RIN2: variants seen among roughly 807,000 people sequenced by gnomAD.
The protein encoded by RIN2 is RAB5 interacting protein 2.
A neutral mutation model predicts 78.0 loss-of-function variants in RIN2; 36 were observed. The ratio of observed to expected loss-of-function variants is 0.46; its 90% confidence interval spans 0.35 to 0.61. The LOEUF is 0.61. RIN2 is among the 20% of genes least tolerant of loss of function. RIN2 has a pLI of 0.00. For synonymous variants in RIN2, 466 were observed against 466.8 expected, an observed-to-expected ratio of 1.00 and a Z score of 0.02; for missense variants, 1,087 against 1,159.7, an observed-to-expected ratio of 0.94 and a Z score of 0.91.
chr20:19,935,042 G>A, intron 3 of RIN2, 57 bp from the exon 4 acceptor site: 1 of 1,320,526 alleles, frequency 7.6e-7, no homozygotes, highest in South Asian at 1.3e-5. Context: ...CCCGGGCGCT[G>A]TGGGCATGCC....
At chr20:19,772,158 G>A (rs1177239808) in intron 1 of RIN2, among the ~76,000 whole-genome samples, 1 of 152,110 alleles carries the variant, frequency 6.6e-6, no homozygotes, top group Non-Finnish European at 1.5e-5. Context: ...CTGTTTCCTG[G>A]GTCATTTCCA....
chr20:19,765,094 C>T (rs1759070621), intron 1 of RIN2, among the ~76,000 whole-genome samples: 1 of 151,878 alleles, frequency 6.6e-6, no homozygotes. Flanking sequence ...AAGTGATCCA[C>T]CTGCCTCAGC....
At chr20:19,947,494 C>G (rs2041143151) in intron 4 of RIN2, among the ~76,000 whole-genome samples, 1 of 152,126 alleles carries the variant, frequency 6.6e-6, no homozygotes, top group South Asian at 2.1e-4. Flanking sequence ...GAATCTTAAA[C>G]CATAATTTAG....
rs1009535921 is a variant in RIN2 at position 19,908,486 on chromosome 20, G to A, written c.57+18828G>A. 3.4e-4 allele frequency among the ~76,000 whole-genome samples: 45 copies of A among 131,198 alleles called. No homozygotes were observed. In the South Asian group the frequency reaches 5.2e-3, roughly 15 times the overall value. The allele number at this position is 131,198 out of a possible 152,430, so 86.1% of individuals were successfully genotyped here. A position where few individuals can be genotyped will look rare whatever the true frequency, so the allele number is the denominator to read the frequency against. ...GGCCTGGGCCACAGAGCGAGACTCC[G>A]TCTCAAAAAAAAAAAAAAAGAAAGA... On this transcript the variant is annotated intron_variant, in intron 3 of 12. Coordinates refer to ENST00000255006, the MANE Select transcript of RIN2 (RefSeq NM_018993.4).
chr20:19,990,141 A>G lies in RIN2; in HGVS notation c.1898A>G (p.Gln633Arg), dbSNP rs2042747606. 1 of 1,602,964 alleles carries G rather than the reference A, an allele frequency of 6.2e-7. No individual in the cohort carries two copies. The highest frequency in any genetic ancestry group is 1.3e-5 in the African/African-American group (1 of 74,906). The change falls in exon 10 of 13, where the codon CAG (glutamine) becomes CGG (arginine). Residue 633 changes from glutamine to arginine, a missense_variant. Coordinates refer to ENST00000255006, the MANE Select transcript of RIN2 (RefSeq NM_018993.4). ...AAGGAGAACCTGCAGCTTGTGCGGC[A>G]GAGGAATCCGCAGGAGCTGGGGGTC... is the stretch of plus-strand genomic sequence containing the variant. ...QLKENLQLVR[Q>R]RNPQELGVFA...
intron 1 of RIN2, among the ~76,000 whole-genome samples, chr20:19,789,797 C>A (rs1033949401): frequency 6.6e-6 from 1 of 152,150 alleles, no homozygotes; most frequent in Non-Finnish European, 1.5e-5. Context: ...GAGAAAATCA[C>A]CCAGTCCCAA....
intron 9 of RIN2, among the ~76,000 whole-genome samples, chr20:19,986,723 G>A (rs914712856): frequency 2.0e-5 from 3 of 152,230 alleles, no homozygotes; most frequent in African/African-American, 7.2e-5. Flanking sequence ...GGCTCACTCT[G>A]ATGATAACAG....
At position 19,974,684 on chromosome 20, in the gene RIN2, C is replaced by T. The variant is rs769083036; in HGVS notation, c.659C>T (p.Pro220Leu). 5.0e-6 allele frequency: 8 copies of T among 1,613,644 alleles called. No homozygotes were observed. The East Asian group carries it at 1.8e-4, about 36-fold the overall frequency. ...TGGAGCTCCCCAGCTGACAGCAAAC[C>T]CCCGAACCTTCCACCTCCCCATAGG... ...NFWSSPADSK[P>L]PNLPPPHRPL... Residue 220 changes from proline (P) to leucine (L), a missense_variant, in exon 9 of 13, where the codon CCC (proline) becomes CTC (leucine). By Grantham distance (98) the Pro-to-Leu change is moderately conservative. Transcript: ENST00000255006.
intron 3 of RIN2, among the ~76,000 whole-genome samples, chr20:19,898,702 G>A (rs1186877896): frequency 6.6e-6 from 1 of 152,170 alleles, no homozygotes; most frequent in Non-Finnish European, 1.5e-5. Context: ...CACTGTGTCT[G>A]ATCTCTTCAT....
chr20:19,944,331 C>T (rs977502856), intron 4 of RIN2, among the ~76,000 whole-genome samples: 14 of 152,282 alleles, frequency 9.2e-5, no homozygotes, highest in African/African-American at 3.4e-4. Flanking sequence ...TAAGTCCTGG[C>T]TTCATCTCCC....
Position 19,853,256 on chromosome 20 carries a change from T to C in RIN2, c.-36-36310T>C, listed in dbSNP as rs1036824119. 7.9e-5 allele frequency among the ~76,000 whole-genome samples: 12 copies of C among 152,186 alleles called. No homozygotes were observed. In the East Asian group the frequency reaches 2.1e-3, roughly 27 times the overall value. On this transcript the variant is annotated intron_variant, in intron 2 of 12. Transcript: ENST00000255006. ...CATAGTATTCCATGGTGTGTATGTG[T>C]CACATTTTCTTAATCCAGTCTATCA... is the stretch of plus-strand genomic sequence containing the variant.
At chr20:19,864,195 AC>A (rs2123306545) in intron 2 of RIN2, among the ~76,000 whole-genome samples, 1 of 152,114 alleles carries the variant, frequency 6.6e-6, no homozygotes, top group East Asian at 1.9e-4. Context: ...TATTGACAGT[AC>A]CCTGGTTTTT....
chr20:19,942,648 A>G (rs754194070), intron 4 of RIN2, among the ~76,000 whole-genome samples: 5 of 152,178 alleles, frequency 3.3e-5, no homozygotes, highest in Non-Finnish European at 7.3e-5. Flanking sequence ...TTGCATGACA[A>G]TCCATTTAAA....
At chr20:19,792,200 T>A (rs974421235) in intron 1 of RIN2, among the ~76,000 whole-genome samples, 4 of 152,184 alleles carry the variant, frequency 2.6e-5, no homozygotes, top group Admixed American at 2.6e-4. Context: ...CCAGCTGGCG[T>A]GGTTTGCCTT....
At chr20:19,965,352 A>G (rs2041902352) in intron 7 of RIN2, among the ~76,000 whole-genome samples, 2 of 152,200 alleles carry the variant, frequency 1.3e-5, no homozygotes, top group Admixed American at 6.5e-5. Flanking sequence ...ACACATGCAC[A>G]CACAGACACA....
chr20:19,884,859 C>T (rs543741995), intron 2 of RIN2, among the ~76,000 whole-genome samples: 2 of 152,148 alleles, frequency 1.3e-5, no homozygotes, highest in African/African-American at 2.4e-5. Context: ...GCTGGTTAAG[C>T]GACCAGGCAA....
chr20:19,882,024 A>G (rs1286301312), intron 2 of RIN2, among the ~76,000 whole-genome samples: 1 of 152,196 alleles, frequency 6.6e-6, no homozygotes, highest in Non-Finnish European at 1.5e-5. Flanking sequence ...AGAATTTGTG[A>G]TAGATCCAAA....
At chr20:19,773,788 C>T (rs568855402) in intron 1 of RIN2, among the ~76,000 whole-genome samples, 101 of 151,670 alleles carry the variant, frequency 6.7e-4, no homozygotes, top group African/African-American at 2.3e-3. Context: ...GGGAGATGTG[C>T]GGTACAATTT....
intron 3 of RIN2, among the ~76,000 whole-genome samples, chr20:19,905,035 A>G (rs1335734022): frequency 1.3e-5 from 2 of 151,910 alleles, no homozygotes; most frequent in Non-Finnish European, 2.9e-5. Flanking sequence ...TGCTTCCTCT[A>G]TCTCTCCCAA....
Sources: allele counts gnomAD v4.1 joint callset (sites outside exome capture counted in the v4.1 genomes callset), GRCh38; gene constraint gnomAD v4.1.1; transcripts MANE v1.5; gene names NCBI Gene and HGNC (gene_info 2026-07-23, HGNC 2026-07-21).